The following MAP3K7CL variants were observed in gnomAD, a reference collection of about 807,000 sequenced individuals.
The protein encoded by MAP3K7CL is MAP3K7 C-terminal like.
In MAP3K7CL, 16 loss-of-function variants were observed where a neutral mutation model predicts 18.6. The observed-to-expected ratio is 0.86, with a 90% confidence interval of 0.58 to 1.31. The LOEUF is 1.31. Ranked by LOEUF, MAP3K7CL falls within the 50% of genes most tolerant of loss-of-function variation. The pLI, the probability that MAP3K7CL is intolerant of heterozygous loss-of-function variation, is 0.00. For missense variants in MAP3K7CL, 163 were observed against 174.4 expected (o/e 0.93, Z 0.37); for synonymous variants, 65 against 66.8 (o/e 0.97, Z 0.13).
intron 3 of MAP3K7CL, 91 bp from the exon 4 acceptor site, chr21:29,159,850 A>G (rs2087500358): frequency 4.4e-6 from 4 of 917,760 alleles, no homozygotes; most frequent in South Asian, 3.1e-5. Context: ...AGAAGAAAAA[A>G]CCTTCGTTTA....
intron 4 of MAP3K7CL, among the ~76,000 whole-genome samples, chr21:29,123,576 G>A (rs1030482132): frequency 2.6e-5 from 4 of 152,242 alleles, no homozygotes; most frequent in African/African-American, 4.8e-5. Context: ...GGGAGGAAGA[G>A]TAATTGTAGA....
chr21:29,134,603 C>T (rs929549391), intron 2 of MAP3K7CL, among the ~76,000 whole-genome samples: 9 of 152,200 alleles, frequency 5.9e-5, no homozygotes, highest in Non-Finnish European at 1.2e-4. Context: ...TGCCGTTGTA[C>T]TGTGTCCTCA....
At chr21:29,167,963 G>A (rs530310181) in intron 4 of MAP3K7CL, among the ~76,000 whole-genome samples, 1 of 152,226 alleles carries the variant, frequency 6.6e-6, no homozygotes, top group Non-Finnish European at 1.5e-5. Context: ...CTCCCAAAGT[G>A]CTGGGATTAC....
At chr21:29,122,187 A>G (rs1407565982) in intron 4 of MAP3K7CL, 1 of 152,174 alleles carries the variant, frequency 6.6e-6, no homozygotes, top group Non-Finnish European at 1.5e-5. Flanking sequence ...GCAGCACTCA[A>G]TCCCTTACGG....
chr21:29,089,397 G>A (rs2085983688), intron 1 of MAP3K7CL, among the ~76,000 whole-genome samples: 1 of 143,276 alleles, frequency 7.0e-6, no homozygotes, highest in South Asian at 2.3e-4. Flanking sequence ...AAATAATGAT[G>A]TTATTATTAT....
At chr21:29,172,836 C>T (rs539034185) in intron 4 of MAP3K7CL, among the ~76,000 whole-genome samples, 40 of 120,312 alleles carry the variant, frequency 3.3e-4, no homozygotes, top group African/African-American at 1.1e-3. Context: ...GATGAGCAAC[C>T]CCCCCCTCCC....
At chr21:29,126,702 G>A (rs9305392), upstream of MAP3K7CL, among the ~76,000 whole-genome samples, 7,628 of 152,066 alleles carry the variant, frequency 0.05, 446 homozygotes, top group East Asian at 0.16. Context: ...TAGGTGATCC[G>A]CCTGCCTCGG....
chr21:29,109,201 G>A (rs989259714), intron 4 of MAP3K7CL: 1 of 1,535,336 alleles, frequency 6.5e-7, no homozygotes, highest in East Asian at 2.4e-5. Flanking sequence ...CATAGGGAAG[G>A]GTGGGTAAGT....
chr21:29,093,738 G>T (rs1453969950), intron 4 of MAP3K7CL, among the ~76,000 whole-genome samples: 1 of 151,838 alleles, frequency 6.6e-6, no homozygotes, highest in African/African-American at 2.4e-5. Context: ...CGATCCACCC[G>T]CCTCGGCCTC....
rs1051445498 is a variant in MAP3K7CL at position 29,130,762 on chromosome 21, C to T, written c.-201C>T. The T allele has an allele frequency of 1.5e-5, 15 of 985,398 alleles. No individual in the cohort carries two copies. The highest frequency in any genetic ancestry group is 5.2e-4 in the Middle Eastern group (1 of 1,936). 61.0% of individuals were successfully genotyped at this position (985,398 alleles called of 1,614,324 possible). ...GGGTCTGGGGCAGAGCAGGTAGCAG[C>T]GTGCTGCCCTGACAGCTGTCTCCGC... On this transcript the variant is annotated 5_prime_UTR_variant, in exon 1 of 5. Transcript: ENST00000399928.
upstream of MAP3K7CL, chr21:29,077,384 GC>G (rs1336503961): frequency 6.5e-6 from 1 of 153,298 alleles, no homozygotes; most frequent in Non-Finnish European, 1.5e-5. Flanking sequence ...ACTGCCCGGG[GC>G]CGGTGGGGCC....
chr21:29,095,306 T>C (rs2086103289), intron 4 of MAP3K7CL, among the ~76,000 whole-genome samples: 1 of 152,028 alleles, frequency 6.6e-6, no homozygotes, highest in Non-Finnish European at 1.5e-5. Context: ...GCCTTTCTAC[T>C]CCTAGCCCTT....
At chr21:29,121,852 A>G (rs1383658739) in intron 4 of MAP3K7CL, among the ~76,000 whole-genome samples, 1 of 151,856 alleles carries the variant, frequency 6.6e-6, no homozygotes, top group African/African-American at 2.4e-5. Context: ...AGAGACCAAC[A>G]TTTATGAACA....
At chr21:29,090,776 A>G (rs891789577) in intron 1 of MAP3K7CL, among the ~76,000 whole-genome samples, 3 of 150,588 alleles carry the variant, frequency 2.0e-5, no homozygotes, top group Admixed American at 6.6e-5. Flanking sequence ...TTTTTTTAAA[A>G]TTGCTGCATC....
chr21:29,096,209 A>G (rs2086118686), intron 4 of MAP3K7CL, among the ~76,000 whole-genome samples: 1 of 152,190 alleles, frequency 6.6e-6, no homozygotes, highest in South Asian at 2.1e-4. Context: ...TATATTGACA[A>G]TACACATAGA....
intron 4 of MAP3K7CL, among the ~76,000 whole-genome samples, chr21:29,124,123 G>T (rs1272000696): frequency 6.6e-6 from 1 of 152,082 alleles, no homozygotes; most frequent in African/African-American, 2.4e-5. Context: ...GGGAGGCTGA[G>T]GCTGGTGGAT....
intron 3 of MAP3K7CL, among the ~76,000 whole-genome samples, chr21:29,159,016 G>A (rs1215205010): frequency 6.6e-6 from 1 of 150,528 alleles, no homozygotes; most frequent in Non-Finnish European, 1.5e-5. Context: ...CACCTCCTGG[G>A]TTCAAGCGAT....
intron 4 of MAP3K7CL, among the ~76,000 whole-genome samples, chr21:29,094,126 G>A (rs2086079217): frequency 6.6e-6 from 1 of 152,152 alleles, no homozygotes; most frequent in South Asian, 2.1e-4. Flanking sequence ...TTTCCCCCAG[G>A]GGATATTTGG....
chr21:29,159,521 C>A (rs1330541961), intron 3 of MAP3K7CL, among the ~76,000 whole-genome samples: 1 of 152,196 alleles, frequency 6.6e-6, no homozygotes. Flanking sequence ...CTCCTGGCTA[C>A]AGAAACAGAA....
Sources: gnomAD v4.1 joint callset for allele counts (sites outside exome capture counted in the v4.1 genomes callset) on GRCh38, gnomAD v4.1.1 for gene constraint, MANE v1.5 for transcripts, NCBI Gene and HGNC (gene_info 2026-07-23, HGNC 2026-07-21) for gene names.